Variants in ZNF668 observed in about 807,000 individuals in gnomAD.
The protein encoded by ZNF668 is zinc finger protein 668.
In ZNF668, 10 loss-of-function variants were observed where a neutral mutation model predicts 40.3. The ratio of observed to expected loss-of-function variants is 0.25; its 90% CI spans 0.15 to 0.42. ZNF668 has a LOEUF of 0.42. Among genes scored for constraint, ZNF668 ranks in the 10% least tolerant of loss-of-function variants. ZNF668 has a pLI of 1.00. For synonymous variants in ZNF668, 428 were observed against 384.6 expected, an observed-to-expected ratio of 1.11 and a Z score of -1.32; for missense variants, 749 against 904.6, an observed-to-expected ratio of 0.83 and a Z score of 2.21.
At chr16:31,069,094 T>TC (rs748717927) in intron 1 of ZNF668, 16 of 152,036 alleles carry the variant, frequency 1.1e-4, no homozygotes, top group Middle Eastern at 3.4e-3. Flanking sequence ...CTCCATTCTC[T>TC]CCCCCAGGTT....
intron 1 of ZNF668, chr16:31,066,427 T>C (rs1350703727): frequency 1.0e-6 from 1 of 966,712 alleles, no homozygotes; most frequent in African/African-American, 1.8e-5. Flanking sequence ...TGTGGTGGCA[T>C]GCGCCTTAAG....
chr16:31,065,037 C>G (rs542114397), intron 1 of ZNF668: 1 of 1,102,072 alleles, frequency 9.1e-7, no homozygotes, highest in African/African-American at 1.6e-5. Flanking sequence ...ACTGTTCACA[C>G]AGAATTCTGG....
In ZNF668 at chr16:31,063,898, G is replaced by A. The variant is rs779394100; in HGVS notation, c.562C>T (p.Arg188Cys). 1.3e-6 allele frequency: 2 copies of A among 1,593,516 alleles called. No homozygotes were observed. The highest frequency in any genetic ancestry group is 1.7e-6 in the Non-Finnish European group (2 of 1,170,638). The change falls in exon 2 of 3, where the codon CGT (arginine) becomes TGT (cysteine). Residue 188 changes from arginine to cysteine, a missense_variant. Arg to Cys is a radical substitution (Grantham distance 180). Transcript: ENST00000300849. ...TAGGGCCGCAGGCCAGCGTGAGTAC[G>A]CCGGTGCTTGCGGAACACTGAAGGG... ...ADPSVFRKHRRTHAGLRPYSC... is the reference protein window; with the variant it reads ...ADPSVFRKHRCTHAGLRPYSC...
At position 31,062,004 on chromosome 16, in the gene ZNF668, G is replaced by A. The variant is rs1197508461; in HGVS notation, c.924C>T (p.Tyr308=). The A allele has an allele frequency of 3.7e-6, 6 of 1,613,830 alleles. No homozygotes were observed. The highest frequency in any genetic ancestry group is 5.1e-6 in the Non-Finnish European group (6 of 1,179,874). ...HQRAHEGVKP[Y]HCEKCGKDFR... is the part of the protein sequence containing the mutation. The stretch of plus-strand genomic sequence containing the variant: ...AGTCCTTGCCGCACTTCTCGCAGTG[G>A]TATGGCTTCACCCCTTCATGGGCGC... The change falls in exon 3 of 3, where the codon TAC becomes TAT. Residue 308 remains tyrosine, a synonymous_variant. Transcript: ENST00000300849.
chr16:31,064,914 A>C (rs1437625250), intron 1 of ZNF668: 33 of 1,391,404 alleles, frequency 2.4e-5, no homozygotes, highest in Non-Finnish European at 3.0e-5. Flanking sequence ...CTGGGACCAG[A>C]AAAGGGCTGA....
At chr16:31,064,571 C>T in intron 1 of ZNF668, 90 bp from the exon 2 acceptor site, 4 of 1,570,374 alleles carry the variant, frequency 2.5e-6, no homozygotes, top group Non-Finnish European at 3.4e-6. Context: ...GCATTTCTCA[C>T]CTCGGAACCC....
chr16:31,065,305 G>C (rs1163887296), intron 1 of ZNF668, among the ~76,000 whole-genome samples: 2 of 152,230 alleles, frequency 1.3e-5, no homozygotes, highest in African/African-American at 4.8e-5. Context: ...GCTGCTCCTG[G>C]GGATCATGGT....
rs965750217 is a variant in ZNF668, at chr16:31,062,043, G to A, written c.885C>T (p.Phe295=). Reference sequence around the variant, plus strand: ...CTTCATGGGCGCGCTGGTGGCGACGGAAGCTCGAGGGGTCGGAGAACATGC... The same window carrying A: ...CTTCATGGGCGCGCTGGTGGCGACGAAAGCTCGAGGGGTCGGAGAACATGC... ...CGRMFSDPSS[F]RRHQRAHEGV... Residue 295 remains phenylalanine (F), a synonymous_variant, in exon 3 of 3, where the codon TTC becomes TTT. Coordinates refer to ENST00000300849, the MANE Select transcript of ZNF668 (RefSeq NM_024706.5). 6.2e-7 allele frequency: 1 copy of A among 1,613,566 alleles called. No individual in the cohort carries two copies. Among genetic ancestry groups the A allele is most frequent in the Non-Finnish European group, 8.5e-7 (1 of 1,179,794 alleles).
intron 2 of ZNF668, among the ~76,000 whole-genome samples, chr16:31,063,306 T>C (rs2056950238): frequency 1.3e-5 from 2 of 152,096 alleles, no homozygotes; most frequent in Non-Finnish European, 2.9e-5. Flanking sequence ...GTAATTTTTT[T>C]ATTTTTATAG....
rs376786940 is a variant in ZNF668 at position 31,064,435 on chromosome 16, G to A, written c.25C>T (p.Arg9Trp). 4 of 1,611,588 alleles carry A rather than the reference G, an allele frequency of 2.5e-6. No homozygotes were observed. The African/African-American group carries it at 4.0e-5, about 16-fold the overall frequency. MEVEAAEARSPAPGYKRSG... is the reference protein window; with the variant it reads MEVEAAEAWSPAPGYKRSG... The stretch of plus-strand genomic sequence containing the variant: ...CGCTTGTAGCCGGGGGCTGGGGACC[G>A]GGCCTCTGCAGCCTCCACTTCCATG... Residue 9 changes from arginine to tryptophan, a missense_variant, in exon 2 of 3, where the codon CGG (arginine) becomes TGG (tryptophan). This residue lies in a region of ZNF668 where 159 missense variants were observed against 139.8 expected (regional missense o/e 1.14). Coordinates refer to ENST00000300849, the MANE Select transcript of ZNF668 (RefSeq NM_024706.5).
At chr16:31,072,603 C>G (rs2057023358) in intron 1 of ZNF668, 1 of 152,304 alleles carries the variant, frequency 6.6e-6, no homozygotes, top group African/African-American at 2.4e-5. Flanking sequence ...CTCAATCTTC[C>G]CATCTCTAAA....
intron 2 of ZNF668, among the ~76,000 whole-genome samples, chr16:31,063,551 A>T (rs1186644534): frequency 6.6e-6 from 1 of 151,468 alleles, no homozygotes; most frequent in African/African-American, 2.4e-5. Flanking sequence ...CCAACTCCAA[A>T]CCCCGCCCCC....
chr16:31,064,318 C>T lies in ZNF668; in HGVS notation c.142G>A (p.Asp48Asn). ...ARHAATHGPA[D>N]CSEEVAEVKP... ...ACCTCGGCCACCTCTTCAGAGCAGT[C>T]TGCCGGCCCATGTGTGGCAGCGTGG... Residue 48 changes from aspartate (D) to asparagine (N), a missense_variant, in exon 2 of 3, where the codon GAC becomes AAC. Transcript: ENST00000300849. 6 of 1,613,984 alleles carry T rather than the reference C, an allele frequency of 3.7e-6. No homozygotes were observed. The highest frequency in any genetic ancestry group is 5.1e-6 in the Non-Finnish European group (6 of 1,180,042).
At chr16:31,067,858 C>T (rs760378855) in intron 1 of ZNF668, among the ~76,000 whole-genome samples, 24 of 152,088 alleles carry the variant, frequency 1.6e-4, no homozygotes, top group Admixed American at 4.6e-4. Context: ...GGGCCTCTTA[C>T]GCTTGTCTGC....
chr16:31,066,888 T>A (rs1316986060), intron 1 of ZNF668, among the ~76,000 whole-genome samples: 1 of 151,800 alleles, frequency 6.6e-6, no homozygotes, highest in East Asian at 1.9e-4. Flanking sequence ...ATGTTCCTCC[T>A]TAATAAAAAT....
intron 1 of ZNF668, among the ~76,000 whole-genome samples, chr16:31,070,431 C>T (rs929543052): frequency 2.0e-5 from 3 of 150,994 alleles, no homozygotes; most frequent in Admixed American, 6.6e-5. Flanking sequence ...TGGTCTTGAA[C>T]TCCTGACCTC....
rs1204569037 is a variant in ZNF668 at position 31,062,232 on chromosome 16, G to A, written c.696C>T (p.Ser232=). The A allele has an allele frequency of 1.2e-6, 2 of 1,612,294 alleles. No homozygotes were observed. Among genetic ancestry groups the A allele is most frequent in the Non-Finnish European group, 8.5e-7 (1 of 1,179,116 alleles). ...RPFLCSECGK[S]FSRSSSLTCH... is the part of the protein sequence containing the mutation. ...ACGTGAGCGAGGATGAGCGGGAGAA[G>A]CTCTTCCCGCACTCGGAGCAGAGGA... is the stretch of plus-strand genomic sequence containing the variant. The change falls in exon 3 of 3, where the codon AGC becomes AGT. Residue 232 remains serine (S), a synonymous_variant. Coordinates refer to ENST00000300849, the MANE Select transcript of ZNF668 (RefSeq NM_024706.5).
chr16:31,072,811 T>G (rs1329520919), intron 1 of ZNF668: 1 of 152,362 alleles, frequency 6.6e-6, no homozygotes, highest in Non-Finnish European at 1.5e-5. Flanking sequence ...CAATTCTCAA[T>G]CCTCCACCTC....
At chr16:31,066,436 AG>A in intron 1 of ZNF668, 1 of 939,470 alleles carries the variant, frequency 1.1e-6, no homozygotes, top group African/African-American at 1.8e-5. Context: ...ATGCGCCTTA[AG>A]TCCCAGCTAC....
Sources: gnomAD v4.1 joint callset for allele counts (sites outside exome capture counted in the v4.1 genomes callset) on GRCh38, gnomAD v4.1.1 for gene constraint, gnomAD v4.1.1 regional missense constraint, MANE v1.5 for transcripts, NCBI Gene and HGNC (gene_info 2026-07-23, HGNC 2026-07-21) for gene names.